NCOR2: variants seen among roughly 807,000 people sequenced by gnomAD.
The protein encoded by NCOR2 is CTG repeat protein 26.
A neutral mutation model predicts 262.9 loss-of-function variants in NCOR2; 81 were observed. That is an observed-to-expected ratio of 0.31 (90% confidence interval 0.26 to 0.37). The LOEUF is 0.37. Ranked by LOEUF, NCOR2 falls within the 10% of genes least tolerant of loss-of-function variation. NCOR2 has a pLI of 1.00. For synonymous variants in NCOR2, 1,659 were observed against 1,559.3 expected (o/e 1.06, Z -1.51); for missense variants, 3,385 against 3,621.4 (o/e 0.93, Z 1.68).
At chr12:124,479,362 T>C (rs1446033033) in intron 3 of NCOR2, among the ~76,000 whole-genome samples, 2 of 149,558 alleles carry the variant, frequency 1.3e-5, no homozygotes, top group Non-Finnish European at 3.0e-5. Flanking sequence ...GTGCAACACA[T>C]GCACACTCAC....
intron 10 of NCOR2, among the ~76,000 whole-genome samples, chr12:124,427,841 C>G (rs2043644938): frequency 6.6e-6 from 1 of 152,210 alleles, no homozygotes; most frequent in Admixed American, 6.5e-5. Context: ...CGGCCATGTG[C>G]TCTGACCACA....
intron 16 of NCOR2, among the ~76,000 whole-genome samples, chr12:124,388,450 ACAGACCTTCC>A (rs1352106250): frequency 6.6e-6 from 1 of 152,114 alleles, no homozygotes; most frequent in Non-Finnish European, 1.5e-5. Flanking sequence ...ACACAGCATC[ACAGACCTTCC>A]CAGGCACAGA....
At chr12:124,372,639 G>A (rs758741131) in intron 19 of NCOR2, 29 bp from the exon 22 acceptor site, 2 of 1,579,246 alleles carry the variant, frequency 1.3e-6, no homozygotes, top group East Asian at 2.2e-5. Context: ...AAGAGGGGAT[G>A]AGCAGGGTCT....
intron 20 of NCOR2, 103 bp downstream of exon 22, chr12:124,371,919 C>A (rs971450638): frequency 1.2e-5 from 15 of 1,238,130 alleles, no homozygotes; most frequent in Non-Finnish European, 1.3e-5. Context: ...CGGGCTCCCC[C>A]AAAGCAGGCA....
Position 124,372,498 on chromosome 12 carries a change from C to T in NCOR2, c.2331G>A (p.Gly777=), listed in dbSNP as rs542078499. ...GTGGGGTGGGTGGCCCTGGGGGTGG[C>T]CCGTCGGCGCCCAGGGTGGCTGGGG... The change falls in exon 20 of 47, where the codon GGG becomes GGA. Residue 777 remains glycine (G), a synonymous_variant. Transcript: ENST00000405201. 42 of 1,583,548 alleles carry T rather than the reference C, an allele frequency of 2.7e-5. No homozygotes were observed. In the East Asian group the frequency reaches 8.5e-4, roughly 32 times the overall value.
intron 7 of NCOR2, among the ~76,000 whole-genome samples, chr12:124,446,351 T>C (rs1018435822): frequency 2.4e-4 from 36 of 152,332 alleles, no homozygotes; most frequent in Admixed American, 2.4e-3. Flanking sequence ...CTGATCACAT[T>C]GCTTCCTGGG....
intron 7 of NCOR2, among the ~76,000 whole-genome samples, chr12:124,439,178 CA>C (rs2044633436): frequency 6.8e-6 from 1 of 146,788 alleles, no homozygotes; most frequent in Non-Finnish European, 1.5e-5. Flanking sequence ...AACAGAGACC[CA>C]GAGAGAGAGA....
At chr12:124,351,282 G>A (rs936177827) in intron 27 of NCOR2, among the ~76,000 whole-genome samples, 15 of 152,186 alleles carry the variant, frequency 9.9e-5, no homozygotes, top group African/African-American at 3.6e-4. Context: ...CCTAAAACCA[G>A]GACAAGGACT....
chr12:124,332,090 T>A, intron 43 of NCOR2: 1 of 561,356 alleles, frequency 1.8e-6, no homozygotes, highest in Non-Finnish European at 3.2e-6. Flanking sequence ...ATGTGCTGGG[T>A]GCTATTCTTC....
At chr12:124,373,199 T>G in intron 19 of NCOR2, among the ~76,000 whole-genome samples, 1 of 152,256 alleles carries the variant, frequency 6.6e-6, no homozygotes, top group Non-Finnish European at 1.5e-5. Context: ...ATGCGCTCAG[T>G]GTGAGTACAG....
intron 41 of NCOR2, among the ~76,000 whole-genome samples, chr12:124,333,927 TGCGCGCGCATGTGTGTGG>T (rs2035585373): frequency 8.0e-6 from 1 of 124,436 alleles, no homozygotes; most frequent in African/African-American, 3.3e-5. Context: ...TGCATGTGTG[TGCGCGCGCATGTGTGTGG>T]GTGTGCACGT....
intron 1 of NCOR2, among the ~76,000 whole-genome samples, chr12:124,487,492 C>A (rs1328224193): frequency 6.6e-6 from 1 of 152,282 alleles, no homozygotes; most frequent in African/African-American, 2.4e-5. Flanking sequence ...CTCTACGGGG[C>A]CTCGGCCTTG....
chr12:124,347,986 T>A, intron 29 of NCOR2, 75 bp from the exon 32 acceptor site: 6 of 1,496,176 alleles, frequency 4.0e-6, no homozygotes, highest in Non-Finnish European at 5.5e-6. Flanking sequence ...GGTCAGTGTT[T>A]ACAGCCGCCA....
intron 1 of NCOR2, among the ~76,000 whole-genome samples, chr12:124,493,276 T>G (rs2048194273): frequency 6.6e-6 from 1 of 151,760 alleles, no homozygotes. Flanking sequence ...AGTGGGAACC[T>G]CCACAGGACA....
chr12:124,424,034 G>A (rs1256387917), intron 11 of NCOR2, among the ~76,000 whole-genome samples: 1 of 152,110 alleles, frequency 6.6e-6, no homozygotes, highest in Non-Finnish European at 1.5e-5. Context: ...CCAAGTTGCG[G>A]CTCACACAGG....
At chr12:124,415,015 C>T (rs2042780918) in intron 13 of NCOR2, among the ~76,000 whole-genome samples, 1 of 152,158 alleles carries the variant, frequency 6.6e-6, no homozygotes, top group Admixed American at 6.5e-5. Context: ...ACCCTGGGTG[C>T]CTGCATTGCC....
rs556895196 is a variant in NCOR2, at chr12:124,375,962, A to G, written c.2168-1499T>C. ...GGGCAACCTCAGGCTCCAACCCAGC[A>G]CCTGCCTCACCTCCCCATCCTGAGC... On this transcript the variant is annotated intron_variant, in intron 18 of 46. Coordinates refer to ENST00000405201, the Ensembl canonical transcript of NCOR2. 5.9e-4 allele frequency among the ~76,000 whole-genome samples: 90 copies of G among 152,204 alleles called. 1 individual carries two copies. The highest frequency in any genetic ancestry group is 4.5e-3 in the Admixed American group (69 of 15,282).
At chr12:124,490,082 A>T (rs976967440) in intron 1 of NCOR2, among the ~76,000 whole-genome samples, 5 of 152,318 alleles carry the variant, frequency 3.3e-5, no homozygotes, top group African/African-American at 1.2e-4. Flanking sequence ...GATGGCGGCT[A>T]CAGTCAAGAG....
Position 124,336,021 on chromosome 12 carries a change from G to A in NCOR2, c.6116-389C>T, listed in dbSNP as rs150619301. On this transcript the variant is annotated intron_variant, in intron 38 of 46. Coordinates refer to ENST00000405201, the Ensembl canonical transcript of NCOR2. The stretch of plus-strand genomic sequence containing the variant: ...TGGGGGTGTGGCTGGGAGTGACCCT[G>A]GGTCCCCGGGGCCCCGCCTGGGCTA... 936 of 208,730 alleles carry A rather than the reference G, an allele frequency of 4.5e-3. 9 individuals carry two copies. Among genetic ancestry groups the A allele is most frequent in the African/African-American group, 0.019 (848 of 43,608 alleles). The allele number at this position is 208,730 out of a possible 1,614,324, so 12.9% of individuals were successfully genotyped here.
Sources: gnomAD v4.1 joint callset for allele counts (sites outside exome capture counted in the v4.1 genomes callset) on GRCh38, gnomAD v4.1.1 for gene constraint, MANE v1.5 for transcripts, NCBI Gene and HGNC (gene_info 2026-07-23, HGNC 2026-07-21) for gene names.